Variants in CACNA2D3 observed in about 807,000 individuals in gnomAD.
CACNA2D3 encodes calcium voltage-gated channel auxiliary subunit alpha2delta 3.
CACNA2D3 carries 60 observed loss-of-function variants against 160.6 expected under a neutral mutation model. The observed-to-expected ratio is 0.37, with a 90% CI of 0.30 to 0.46. CACNA2D3 has a LOEUF of 0.46. Among genes scored for constraint, CACNA2D3 ranks in the 20% least tolerant of loss-of-function variants. The probability of loss-of-function intolerance (pLI) is 1.00; values close to 1 mark genes in which losing one functional copy is unlikely to be tolerated. For synonymous variants in CACNA2D3, 558 were observed against 492.9 expected, an observed-to-expected ratio of 1.13 and a Z score of -1.75; for missense variants, 1,205 against 1,365.0, an observed-to-expected ratio of 0.88 and a Z score of 1.85.
At chr3:54,351,050 C>T (rs528779749) in intron 3 of CACNA2D3, among the ~76,000 whole-genome samples, 1 of 134,426 alleles carries the variant, frequency 7.4e-6, no homozygotes, top group South Asian at 2.6e-4. Context: ...GGCGCGATCT[C>T]GGCTCACTGC....
At chr3:54,830,769 A>ACCTGGCC (rs1217012239) in intron 14 of CACNA2D3, among the ~76,000 whole-genome samples, 1 of 151,976 alleles carries the variant, frequency 6.6e-6, no homozygotes, top group African/African-American at 2.4e-5. Context: ...GAGTCACCGC[A>ACCTGGCC]CCTGGCCCCT....
intron 27 of CACNA2D3, among the ~76,000 whole-genome samples, chr3:54,939,281 G>C (rs1026316709): frequency 6.6e-6 from 1 of 152,188 alleles, no homozygotes; most frequent in South Asian, 2.1e-4. Flanking sequence ...TTACTAAAGA[G>C]AAAATTGAAA....
intron 2 of CACNA2D3, among the ~76,000 whole-genome samples, chr3:54,301,881 C>T (rs1703484690): frequency 6.6e-6 from 1 of 152,186 alleles, no homozygotes; most frequent in Non-Finnish European, 1.5e-5. Context: ...ATACATGTCT[C>T]CCACCTGACC....
At chr3:54,322,632 A>G (rs1704028634) in intron 3 of CACNA2D3, among the ~76,000 whole-genome samples, 1 of 152,198 alleles carries the variant, frequency 6.6e-6, no homozygotes. Context: ...TCTGGCAAAC[A>G]GTAAATGTTC....
At chr3:54,261,061 T>C (rs1702392421) in intron 2 of CACNA2D3, among the ~76,000 whole-genome samples, 1 of 152,234 alleles carries the variant, frequency 6.6e-6, no homozygotes, top group South Asian at 2.1e-4. Flanking sequence ...TTGACACCTA[T>C]GTCCTGGCGC....
chr3:54,269,898 A>G (rs1702587548), intron 2 of CACNA2D3, among the ~76,000 whole-genome samples: 1 of 152,230 alleles, frequency 6.6e-6, no homozygotes, highest in African/African-American at 2.4e-5. Context: ...CACTTGAGAA[A>G]AGACCTTAAT....
chr3:54,419,489 C>A (rs1298388310), intron 4 of CACNA2D3, among the ~76,000 whole-genome samples: 1 of 152,188 alleles, frequency 6.6e-6, no homozygotes, highest in Admixed American at 6.5e-5. Context: ...ACTATTGTTC[C>A]AATTTCATTA....
In CACNA2D3 at chr3:54,887,941, G is replaced by T. The variant is rs1215964330; in HGVS notation, c.2057-18G>T. 1.0e-5 allele frequency: 16 copies of T among 1,605,596 alleles called. No individual in the cohort carries two copies. Among genetic ancestry groups the T allele is most frequent in the Non-Finnish European group, 1.4e-5 (16 of 1,172,330 alleles). Reference sequence around the variant, plus strand: ...TCCAGCCCTGCTGAAGCATCCTCTTGTCTGTCCCTCCCAACAGGTGATAAA... The same window carrying T: ...TCCAGCCCTGCTGAAGCATCCTCTTTTCTGTCCCTCCCAACAGGTGATAAA... On this transcript the variant is annotated intron_variant, in intron 23 of 37. Coordinates refer to ENST00000474759, the MANE Select transcript of CACNA2D3 (RefSeq NM_018398.3).
chr3:54,693,364 T>C (rs951258747), intron 11 of CACNA2D3, among the ~76,000 whole-genome samples: 1 of 152,256 alleles, frequency 6.6e-6, no homozygotes, highest in Non-Finnish European at 1.5e-5. Context: ...GCAGCCATCC[T>C]GACATGTTAG....
chr3:54,830,983 A>G (rs1703865116), intron 14 of CACNA2D3, among the ~76,000 whole-genome samples: 1 of 152,214 alleles, frequency 6.6e-6, no homozygotes, highest in Admixed American at 6.5e-5. Context: ...CATATAAAAT[A>G]TTTATGTATT....
rs368162907 is a variant in CACNA2D3, at chr3:54,626,709, AG to A, written c.964-1077del. On this transcript the variant is annotated intron_variant, in intron 9 of 37. Coordinates refer to ENST00000474759, the MANE Select transcript of CACNA2D3 (RefSeq NM_018398.3). ...CAAAAAAAAAAAAAAAAAAAAAAAA[AG>A]AAAGAAAAAGAAAGGGGTTCGGAAT... The A allele has an allele frequency of 2.1e-3, 1,442 of 697,012 alleles. 46 individuals carry two copies. In the African/African-American group the frequency reaches 0.032, roughly 15 times the overall value. 43.2% of individuals were successfully genotyped at this position (697,012 alleles called of 1,614,324 possible).
intron 10 of CACNA2D3, among the ~76,000 whole-genome samples, chr3:54,629,906 C>A (rs778595337): frequency 2.0e-5 from 3 of 152,100 alleles, no homozygotes; most frequent in Admixed American, 2.0e-4. Context: ...GCCTAAGTGG[C>A]GAAGGAGAAA....
At chr3:54,503,780 G>C in intron 5 of CACNA2D3, 126 bp downstream of exon 5, 1 of 759,878 alleles carries the variant, frequency 1.3e-6, no homozygotes. Flanking sequence ...GTTATAAGCT[G>C]AGTGTGTCAG....
chr3:54,459,184 G>C (rs958697127), intron 4 of CACNA2D3, among the ~76,000 whole-genome samples: 16 of 152,048 alleles, frequency 1.1e-4, no homozygotes, highest in African/African-American at 3.9e-4. Flanking sequence ...TTGGACATTT[G>C]GGTTGGTTCC....
At chr3:54,331,044 C>T (rs1704239641) in intron 3 of CACNA2D3, among the ~76,000 whole-genome samples, 1 of 152,074 alleles carries the variant, frequency 6.6e-6, no homozygotes, top group Non-Finnish European at 1.5e-5. Flanking sequence ...CATGAGCATT[C>T]ATTTTCATGG....
intron 4 of CACNA2D3, among the ~76,000 whole-genome samples, chr3:54,459,108 T>C (rs1003168283): frequency 6.6e-6 from 1 of 152,156 alleles, no homozygotes; most frequent in East Asian, 1.9e-4. Flanking sequence ...GAACACATCA[T>C]TTTTATGGCT....
intron 31 of CACNA2D3, among the ~76,000 whole-genome samples, chr3:55,000,125 G>C (rs1702948293): frequency 6.6e-6 from 1 of 152,138 alleles, no homozygotes; most frequent in South Asian, 2.1e-4. Context: ...CACAGCACCA[G>C]TCTTGGGCTG....
chr3:54,850,212 G>A (rs1699025938), intron 17 of CACNA2D3, among the ~76,000 whole-genome samples: 1 of 152,180 alleles, frequency 6.6e-6, no homozygotes, highest in African/African-American at 2.4e-5. Flanking sequence ...TGTGCCTGGT[G>A]TGGCTCAGTC....
chr3:54,670,260 C>A (rs1176773382), intron 11 of CACNA2D3, among the ~76,000 whole-genome samples: 1 of 152,174 alleles, frequency 6.6e-6, no homozygotes, highest in Non-Finnish European at 1.5e-5. Context: ...GCAGGATTTT[C>A]CAGGCTGTGT....
Sources: allele counts gnomAD v4.1 joint callset (sites outside exome capture counted in the v4.1 genomes callset), GRCh38; gene constraint gnomAD v4.1.1; transcripts MANE v1.5; gene names NCBI Gene and HGNC (gene_info 2026-07-23, HGNC 2026-07-21).